The following ARHGEF28 variants were observed in gnomAD, a reference collection of about 807,000 sequenced individuals.
The protein encoded by ARHGEF28 is Rho guanine nucleotide exchange factor 28.
ARHGEF28 carries 152 observed loss-of-function variants against 206.6 expected under a neutral mutation model. The ratio of observed to expected loss-of-function variants is 0.74; its 90% CI spans 0.64 to 0.84. The LOEUF is 0.84. ARHGEF28 is among the 40% of genes least tolerant of loss of function. The pLI is 0.00. For missense variants in ARHGEF28, 2,028 were observed against 2,073.2 expected (o/e 0.98, Z 0.42); for synonymous variants, 763 against 776.4 (o/e 0.98, Z 0.29).
chr5:73,816,484 G>A (rs1048027447), intron 9 of ARHGEF28, among the ~76,000 whole-genome samples: 2 of 152,102 alleles, frequency 1.3e-5, no homozygotes, highest in Non-Finnish European at 2.9e-5. Context: ...TGGCTTGTTG[G>A]CAAACCTCTC....
In ARHGEF28 at chr5:73,821,378, G is replaced by T. The variant is rs951858855; in HGVS notation, c.1025-10960G>T. ...TTGCTAGCATAGTTTTTTGTCTATAGAACTCAATTACTTTTGAGGATATTT... is the reference window on the plus strand; with the variant it reads ...TTGCTAGCATAGTTTTTTGTCTATATAACTCAATTACTTTTGAGGATATTT... On this transcript the variant is annotated intron_variant, in intron 9 of 35. Coordinates refer to ENST00000513042, the MANE Select transcript of ARHGEF28 (RefSeq NM_001177693.2). Among the ~76,000 whole-genome samples the T allele has an allele frequency of 4.6e-5, 7 of 152,104 alleles. 1 individual carries two copies. Among genetic ancestry groups the T allele is most frequent in the Non-Finnish European group, 8.8e-5 (6 of 68,026 alleles).
intron 24 of ARHGEF28, 22 bp downstream of exon 24, chr5:73,883,906 A>G (rs1375531366): frequency 6.9e-7 from 1 of 1,445,166 alleles, no homozygotes; most frequent in Non-Finnish European, 9.3e-7. Flanking sequence ...CTTCTGGGAT[A>G]AAAATTTGCC....
At chr5:73,883,040 A>T (rs956399863) in intron 23 of ARHGEF28, among the ~76,000 whole-genome samples, 1 of 152,210 alleles carries the variant, frequency 6.6e-6, no homozygotes, top group Non-Finnish European at 1.5e-5. Flanking sequence ...AGTTTTTGAT[A>T]TCTTAAAATT....
Position 73,855,158 on chromosome 5 carries a change from C to G in ARHGEF28, c.1790+2466C>G, listed in dbSNP as rs1188367485. On this transcript the variant is annotated intron_variant, in intron 14 of 35. Transcript: ENST00000513042. The stretch of plus-strand genomic sequence containing the variant: ...TTATGAAATTATTTGAAGGTTTTCT[C>G]TTCTCAATTATTTTCTAAAGTGCCT... Among the ~76,000 whole-genome samples, 4 of 152,228 alleles carry G rather than the reference C, an allele frequency of 2.6e-5. No homozygotes were observed. The South Asian group carries it at 8.3e-4, about 32-fold the overall frequency.
intron 2 of ARHGEF28, among the ~76,000 whole-genome samples, chr5:73,688,822 T>A (rs548484610): frequency 6.6e-6 from 1 of 152,158 alleles, no homozygotes; most frequent in East Asian, 1.9e-4. Context: ...TTCAGCTAAT[T>A]TTTTTGTATT....
chr5:73,793,981 C>T lies in ARHGEF28; in HGVS notation c.911-421C>T, dbSNP rs543520527. 3.3e-5 allele frequency among the ~76,000 whole-genome samples: 5 copies of T among 152,256 alleles called. No individual in the cohort carries two copies. In the South Asian group the frequency reaches 1.0e-3, roughly 32 times the overall value. On this transcript the variant is annotated intron_variant, in intron 7 of 35. Coordinates refer to ENST00000513042, the MANE Select transcript of ARHGEF28 (RefSeq NM_001177693.2). The stretch of plus-strand genomic sequence containing the variant: ...CAGACCTCTTATATAATGAATTACG[C>T]TCTTTTAAAACATATTGAAATCTGT...
chr5:73,653,755 G>C (rs1744991331), intron 1 of ARHGEF28, among the ~76,000 whole-genome samples: 1 of 152,130 alleles, frequency 6.6e-6, no homozygotes, highest in African/African-American at 2.4e-5. Flanking sequence ...ACAACATCCA[G>C]TCTCCTCTGG....
chr5:73,873,118 T>A lies in ARHGEF28; in HGVS notation c.2686T>A (p.Cys896Ser), dbSNP rs1580016405. 5.0e-6 allele frequency: 8 copies of A among 1,612,968 alleles called. No individual in the cohort carries two copies. In the Admixed American group the frequency reaches 5.0e-5, roughly 10 times the overall value. ...CAGCACCGTGGATAAAATTTTCCCC[T>A]GTTTAGATGAGTTGCTTGAAATCCA... ...DHSTVDKIFP[C>S]LDELLEIHRH... Residue 896 changes from cysteine (C) to serine (S), a missense_variant, in exon 22 of 36, where the codon TGT becomes AGT. Physicochemically the swap from Cys to Ser is moderately radical, Grantham distance 112. Around this residue, in one of 3 missense-constraint regions of ARHGEF28, gnomAD observed 223 missense variants for 289.9 expected, o/e 0.77. Transcript: ENST00000513042.
rs545632174 is a variant in ARHGEF28 at position 73,769,937 on chromosome 5, C to T, written c.476-3918C>T. ...TGCACAGCCTCCCCTATTATCAATA[C>T]GCCCCACAGAGTGGCACATTTGGTT... On this transcript the variant is annotated intron_variant, in intron 4 of 35. Transcript: ENST00000513042. Among the ~76,000 whole-genome samples the T allele has an allele frequency of 4.9e-4, 75 of 152,306 alleles. No individual in the cohort carries two copies. In the South Asian group the frequency reaches 0.013, roughly 26 times the overall value.
At chr5:73,643,841 A>G (rs1174929953) in intron 1 of ARHGEF28, among the ~76,000 whole-genome samples, 5 of 151,272 alleles carry the variant, frequency 3.3e-5, no homozygotes, top group African/African-American at 4.9e-5. Flanking sequence ...AATTCACTGC[A>G]TTCCTTTTCT....
chr5:73,797,526 G>A (rs956753162), intron 9 of ARHGEF28, among the ~76,000 whole-genome samples: 3 of 152,086 alleles, frequency 2.0e-5, no homozygotes, highest in East Asian at 1.9e-4. Flanking sequence ...TCAGCCTGCC[G>A]AGTAGCTGGG....
chr5:73,779,412 A>T (rs1753710764), intron 6 of ARHGEF28, among the ~76,000 whole-genome samples: 1 of 152,252 alleles, frequency 6.6e-6, no homozygotes, highest in Admixed American at 6.5e-5. Flanking sequence ...ACTTATAAGG[A>T]TAAAAATTAA....
intron 2 of ARHGEF28, among the ~76,000 whole-genome samples, chr5:73,693,496 A>G (rs1747976406): frequency 6.6e-6 from 1 of 152,184 alleles, no homozygotes; most frequent in Admixed American, 6.5e-5. Context: ...GCTCAAAATA[A>G]TAGAAATTTT....
chr5:73,712,432 C>T (rs1749305932), intron 2 of ARHGEF28, among the ~76,000 whole-genome samples: 1 of 152,152 alleles, frequency 6.6e-6, no homozygotes, highest in South Asian at 2.1e-4. Context: ...AACTCTTGAT[C>T]TCTGTTCATC....
intron 9 of ARHGEF28, among the ~76,000 whole-genome samples, chr5:73,821,031 G>T (rs1420164288): frequency 6.6e-6 from 1 of 152,060 alleles, no homozygotes; most frequent in African/African-American, 2.4e-5. Context: ...GAAATCACTT[G>T]TCTCATCTAC....
intron 13 of ARHGEF28, among the ~76,000 whole-genome samples, chr5:73,850,073 T>C (rs1758606567): frequency 8.0e-6 from 1 of 124,848 alleles, no homozygotes. Context: ...TTCTTATTCT[T>C]GCTTATTAAA....
intron 9 of ARHGEF28, among the ~76,000 whole-genome samples, chr5:73,817,560 A>G (rs1339838210): frequency 6.6e-6 from 1 of 152,204 alleles, no homozygotes; most frequent in Admixed American, 6.5e-5. Context: ...AACAGTAACC[A>G]TGGTAGAATA....
In ARHGEF28 at chr5:73,934,901, G is replaced by A. The variant is rs184560990; in HGVS notation, c.4949-5943G>A. ...AACATACTTTGAAATGCATCTCAAG[G>A]AAGAGGGAAATGTAGAATTGTTTGC... On this transcript the variant is annotated intron_variant, in intron 35 of 35. Transcript: ENST00000513042. 2.4e-3 allele frequency among the ~76,000 whole-genome samples: 373 copies of A among 152,312 alleles called. 3 individuals are homozygous for A. The highest frequency in any genetic ancestry group is 2.1e-3 in the Non-Finnish European group (142 of 68,030).
chr5:73,737,660 C>T (rs531042933), intron 2 of ARHGEF28, among the ~76,000 whole-genome samples: 18 of 128,436 alleles, frequency 1.4e-4, no homozygotes, highest in South Asian at 4.2e-4. Context: ...TACAGGTGCA[C>T]GCTGCCACCA....
Sources: gnomAD v4.1 joint callset for allele counts (sites outside exome capture counted in the v4.1 genomes callset) on GRCh38, gnomAD v4.1.1 for gene constraint, gnomAD v4.1.1 regional missense constraint, MANE v1.5 for transcripts, NCBI Gene and HGNC (gene_info 2026-07-23, HGNC 2026-07-21) for gene names.